The following GRIK2 variants were observed in gnomAD, a reference collection of about 807,000 sequenced individuals.
The protein encoded by GRIK2 is glutamate ionotropic receptor kainate type subunit 2, also known as glutamate receptor ionotropic, kainate 2.
In GRIK2, 32 loss-of-function variants were observed where a neutral mutation model predicts 100.3. The ratio of observed to expected loss-of-function variants is 0.32; its 90% CI spans 0.24 to 0.43. GRIK2 has a LOEUF of 0.43. Among genes scored for constraint, GRIK2 ranks in the 20% least tolerant of loss-of-function variants. The pLI, the probability that GRIK2 is intolerant of heterozygous loss-of-function variation, is 1.00. For synonymous variants in GRIK2, 417 were observed against 389.4 expected (o/e 1.07, Z -0.83); for missense variants, 843 against 1,114.9 (o/e 0.76, Z 3.47).
At chr6:101,917,971 C>T (rs1321062760) in intron 12 of GRIK2, among the ~76,000 whole-genome samples, 1 of 151,404 alleles carries the variant, frequency 6.6e-6, no homozygotes, top group African/African-American at 2.4e-5. Context: ...ATGATTGTGT[C>T]TATTTTGTTT....
intron 14 of GRIK2, among the ~76,000 whole-genome samples, chr6:101,986,517 T>C (rs1794024814): frequency 6.6e-6 from 1 of 151,844 alleles, no homozygotes; most frequent in Non-Finnish European, 1.5e-5. Flanking sequence ...TTGACAGTCA[T>C]AAGGAGATGA....
chr6:101,632,381 T>G (rs1318230638), intron 4 of GRIK2, among the ~76,000 whole-genome samples: 1 of 152,154 alleles, frequency 6.6e-6, no homozygotes, highest in Non-Finnish European at 1.5e-5. Context: ...GAATGTTGCC[T>G]GGTTGTGGAA....
intron 14 of GRIK2, among the ~76,000 whole-genome samples, chr6:101,992,223 C>T (rs1282617813): frequency 6.6e-6 from 1 of 151,510 alleles, no homozygotes; most frequent in African/African-American, 2.4e-5. Flanking sequence ...CAGGATGTTG[C>T]TCCCAAGGAA....
At position 101,792,387 on chromosome 6, in the gene GRIK2, T is replaced by C. The variant is rs550830166; in HGVS notation, c.952-7261T>C. On this transcript the variant is annotated intron_variant, in intron 7 of 16. Coordinates refer to ENST00000369134, the MANE Select transcript of GRIK2 (RefSeq NM_021956.5). ...TGTTTAGTGCTTCCTTCAGGAGCTC[T>C]TTTAGAGCAGGCCTGGTGGTGACAA... Among the ~76,000 whole-genome samples, 6 of 152,308 alleles carry C rather than the reference T, an allele frequency of 3.9e-5. No individual in the cohort carries two copies. In the South Asian group the frequency reaches 1.2e-3, roughly 32 times the overall value.
At chr6:101,435,078 C>A (rs1202043299) in intron 2 of GRIK2, among the ~76,000 whole-genome samples, 1 of 152,122 alleles carries the variant, frequency 6.6e-6, no homozygotes, top group East Asian at 1.9e-4. Flanking sequence ...TCCATTGACT[C>A]CATTTTTCCT....
intron 12 of GRIK2, among the ~76,000 whole-genome samples, chr6:101,900,353 A>G (rs940912376): frequency 2.0e-5 from 3 of 152,076 alleles, no homozygotes; most frequent in Admixed American, 2.0e-4. Context: ...AATCCCAGCT[A>G]CTAGGGAGGC....
intron 2 of GRIK2, among the ~76,000 whole-genome samples, chr6:101,425,315 A>T (rs1022997690): frequency 7.2e-5 from 11 of 152,194 alleles, no homozygotes; most frequent in African/African-American, 2.7e-4. Flanking sequence ...GAGACATTAG[A>T]TTTAATAAAT....
At chr6:101,806,019 T>C (rs1047957971) in intron 9 of GRIK2, among the ~76,000 whole-genome samples, 1 of 151,994 alleles carries the variant, frequency 6.6e-6, no homozygotes, top group Non-Finnish European at 1.5e-5. Context: ...ACAGAAGCCT[T>C]AATTGGAACC....
intron 14 of GRIK2, among the ~76,000 whole-genome samples, chr6:101,994,226 G>A (rs1349175942): frequency 2.7e-5 from 4 of 149,818 alleles, no homozygotes; most frequent in African/African-American, 9.8e-5. Flanking sequence ...TCCATGATAC[G>A]AAGTTCAACA....
At chr6:101,789,394 G>T (rs1313556566) in intron 7 of GRIK2, among the ~76,000 whole-genome samples, 2 of 152,200 alleles carry the variant, frequency 1.3e-5, no homozygotes, top group East Asian at 1.9e-4. Context: ...AAGGTGTAAG[G>T]AAGGGATCCA....
intron 10 of GRIK2, among the ~76,000 whole-genome samples, chr6:101,837,902 G>A (rs1227844591): frequency 6.6e-6 from 1 of 152,022 alleles, no homozygotes; most frequent in Admixed American, 6.6e-5. Context: ...AAAAATGATA[G>A]GTAAAGTTCT....
chr6:101,762,979 G>A (rs1777825168), intron 7 of GRIK2, among the ~76,000 whole-genome samples: 1 of 151,418 alleles, frequency 6.6e-6, no homozygotes, highest in Non-Finnish European at 1.5e-5. Context: ...CCTAGAGTCA[G>A]CCCAGACAGA....
chr6:101,898,159 C>A (rs1469677569), intron 12 of GRIK2, among the ~76,000 whole-genome samples: 2 of 151,728 alleles, frequency 1.3e-5, no homozygotes, highest in Non-Finnish European at 3.0e-5. Flanking sequence ...CAGCCCCCAG[C>A]CCCTCACCCT....
chr6:101,396,249 C>A (rs560502608), intron 1 of GRIK2, among the ~76,000 whole-genome samples: 1 of 149,550 alleles, frequency 6.7e-6, no homozygotes, highest in Admixed American at 6.7e-5. Flanking sequence ...CATTCCCCCC[C>A]CCCCCAGGAA....
intron 2 of GRIK2, among the ~76,000 whole-genome samples, chr6:101,514,078 C>G (rs1371685968): frequency 6.6e-6 from 1 of 151,900 alleles, no homozygotes; most frequent in African/African-American, 2.4e-5. Context: ...TGAGCACAGC[C>G]CTAAGTAGAG....
At chr6:101,588,015 A>G (rs1194769958) in intron 2 of GRIK2, among the ~76,000 whole-genome samples, 6 of 152,146 alleles carry the variant, frequency 3.9e-5, no homozygotes, top group African/African-American at 1.4e-4. Context: ...AAAGAGGAAA[A>G]TATAATACAA....
rs375094121 is a variant in GRIK2, at chr6:101,999,086, T to TTCTTAA, written c.2086-36251_2086-36250insAATCTT. Among the ~76,000 whole-genome samples the TTCTTAA allele has an allele frequency of 5.9e-5, 9 of 152,214 alleles. 1 individual carries two copies. The highest frequency in any genetic ancestry group is 2.2e-4 in the African/African-American group (9 of 41,550). On this transcript the variant is annotated intron_variant, in intron 14 of 16. Coordinates refer to ENST00000369134, the MANE Select transcript of GRIK2 (RefSeq NM_021956.5). ...GCCTCAGCCTCCCAAAGTGGGGTTT[T>TTCTTAA]TCTTTAATCTGCTGCATTTTTCTAT... is the stretch of plus-strand genomic sequence containing the variant.
chr6:101,776,679 A>G (rs909641811), intron 7 of GRIK2, among the ~76,000 whole-genome samples: 4 of 152,148 alleles, frequency 2.6e-5, no homozygotes, highest in African/African-American at 9.7e-5. Flanking sequence ...TTTACCACTC[A>G]TCTTTATTCT....
At chr6:101,972,928 A>T (rs1793142520) in intron 14 of GRIK2, among the ~76,000 whole-genome samples, 1 of 151,888 alleles carries the variant, frequency 6.6e-6, no homozygotes. Flanking sequence ...TATCAGTACC[A>T]TGCTGTTTTG....
Sources: allele counts gnomAD v4.1 joint callset (sites outside exome capture counted in the v4.1 genomes callset), GRCh38; gene constraint gnomAD v4.1.1; transcripts MANE v1.5; gene names NCBI Gene and HGNC (gene_info 2026-07-23, HGNC 2026-07-21).